The following ACAD9 variants were observed in gnomAD, a reference collection of about 807,000 sequenced individuals.
ACAD9 encodes the protein acyl-CoA dehydrogenase family member 9, also known as complex I assembly factor ACAD9, mitochondrial.
ACAD9 carries 53 observed loss-of-function variants against 70.2 expected under a neutral mutation model. The observed-to-expected ratio is 0.75, with a 90% CI of 0.61 to 0.95. The LOEUF is 0.95. Ranked by LOEUF, ACAD9 falls within the 40% of genes least tolerant of loss-of-function variation. The pLI, the probability that ACAD9 is intolerant of heterozygous loss-of-function variation, is 0.00. For missense variants in ACAD9, 777 were observed against 802.8 expected (o/e 0.97, Z 0.39); for synonymous variants, 313 against 312.1 (o/e 1.00, Z -0.03).
chr3:128,909,855 G>A (rs1936070510), intron 15 of ACAD9, 166 bp from the exon 16 acceptor site: 3 of 931,802 alleles, frequency 3.2e-6, no homozygotes, highest in Middle Eastern at 3.2e-4. Flanking sequence ...GAAAACAGAA[G>A]GTGGCTGGGA....
chr3:128,901,447 T>C, intron 8 of ACAD9, 98 bp downstream of exon 8: 1 of 1,333,828 alleles, frequency 7.5e-7, no homozygotes, highest in South Asian at 1.2e-5. Flanking sequence ...CAGAGTAGCC[T>C]GTGCATGGCA....
At chr3:128,880,976 A>G (rs1296960647) in intron 1 of ACAD9, among the ~76,000 whole-genome samples, 7 of 151,874 alleles carry the variant, frequency 4.6e-5, no homozygotes, top group African/African-American at 7.2e-5. Context: ...TATACTTGCT[A>G]TTTCGTCGAG....
At chr3:128,883,569 GCTGGT>G (rs1415166976) in intron 1 of ACAD9, among the ~76,000 whole-genome samples, 1 of 151,994 alleles carries the variant, frequency 6.6e-6, no homozygotes, top group African/African-American at 2.4e-5. Context: ...TGTTGGTCAG[GCTGGT>G]CTCAAACTCC....
At position 128,899,278 on chromosome 3, in the gene ACAD9, T is replaced by C. The variant is rs1935660610; in HGVS notation, c.634-9T>C. On this transcript the variant is annotated splice_polypyrimidine_tract_variant and intron_variant, in intron 6 of 17. Transcript: ENST00000308982. ...TGGTTTTCTCCAAAGTCCATCTTTCTGTCCTCAGGTCTGGATTACTAATGG... is the reference window on the plus strand; with the variant it reads ...TGGTTTTCTCCAAAGTCCATCTTTCCGTCCTCAGGTCTGGATTACTAATGG... The C allele has an allele frequency of 1.2e-6, 2 of 1,614,026 alleles. No homozygotes were observed. The highest frequency in any genetic ancestry group is 2.7e-5 in the African/African-American group (2 of 74,948).
chr3:128,899,442 A>G lies in ACAD9; in HGVS notation c.789A>G (p.Leu263=), dbSNP rs1211050541. 2 of 1,613,952 alleles carry G rather than the reference A, an allele frequency of 1.2e-6. No homozygotes were observed. The highest frequency in any genetic ancestry group is 1.7e-6 in the Non-Finnish European group (2 of 1,180,026). ...GVTNGKPEDK[L]GIRGSNTCEV... ...CTAATGGGAAACCCGAAGATAAATTAGGCATTCGGGGCTCCAACAGTAAGT... is the reference window on the plus strand; with the variant it reads ...CTAATGGGAAACCCGAAGATAAATTGGGCATTCGGGGCTCCAACAGTAAGT... Residue 263 remains leucine, a synonymous_variant, in exon 7 of 18, where the codon TTA becomes TTG. Coordinates refer to ENST00000308982, the MANE Select transcript of ACAD9 (RefSeq NM_014049.5).
chr3:128,909,876 C>T (rs1936072426), intron 15 of ACAD9, 145 bp from the exon 16 acceptor site: 1 of 1,199,376 alleles, frequency 8.3e-7, no homozygotes, highest in African/African-American at 1.5e-5. Flanking sequence ...GCCGTTCTCC[C>T]ACAACCTGAA....
chr3:128,895,706 T>C (rs989341482), intron 4 of ACAD9, among the ~76,000 whole-genome samples: 1 of 111,630 alleles, frequency 9.0e-6, no homozygotes, highest in Non-Finnish European at 1.7e-5. Flanking sequence ...GCCTTCGCCT[T>C]GGGCTGGAAG....
intron 4 of ACAD9, among the ~76,000 whole-genome samples, chr3:128,896,007 C>A (rs1402737673): frequency 6.6e-6 from 1 of 152,226 alleles, no homozygotes; most frequent in South Asian, 2.1e-4. Flanking sequence ...ACAGCCCTGA[C>A]ACTGAGCACC....
rs1935818119 is a variant in ACAD9, at chr3:128,904,054, T to A, written c.959-8T>A. 3 of 1,613,970 alleles carry A rather than the reference T, an allele frequency of 1.9e-6. No homozygotes were observed. In the African/African-American group the frequency reaches 4.0e-5, roughly 22 times the overall value. On this transcript the variant is annotated splice_polypyrimidine_tract_variant and splice_region_variant and intron_variant, in intron 9 of 17. Coordinates refer to ENST00000308982, the MANE Select transcript of ACAD9 (RefSeq NM_014049.5). ...CCAGTTCATTCTAATAACTCTGCTC[T>A]TCCTCAGAAATGACTGCTGAGTACG...
chr3:128,885,455 C>T lies in ACAD9; in HGVS notation c.244+709C>T, dbSNP rs1935217647. On this transcript the variant is annotated intron_variant, in intron 2 of 17. Coordinates refer to ENST00000308982, the MANE Select transcript of ACAD9 (RefSeq NM_014049.5). ...TGCTCAGACTGGAGTGTGGTGGTAC[C>T]ATCTCATCTCACCACCACCTCCATC... 2.0e-5 allele frequency among the ~76,000 whole-genome samples: 3 copies of T among 152,032 alleles called. No homozygotes were observed. In the East Asian group the frequency reaches 5.8e-4, roughly 29 times the overall value.
chr3:128,891,845 T>G (rs910273938), intron 2 of ACAD9, among the ~76,000 whole-genome samples: 1 of 152,256 alleles, frequency 6.6e-6, no homozygotes, highest in Non-Finnish European at 1.5e-5. Flanking sequence ...CATTTATTTA[T>G]GTAGTTTTTT....
chr3:128,887,904 C>G (rs773743879), intron 2 of ACAD9, among the ~76,000 whole-genome samples: 1 of 152,154 alleles, frequency 6.6e-6, no homozygotes, highest in Non-Finnish European at 1.5e-5. Context: ...GGAATGACAG[C>G]TGTAGGCAGC....
rs749996336 is a variant in ACAD9, at chr3:128,909,417, G to C, written c.1559G>C (p.Gly520Ala). The C allele has an allele frequency of 6.2e-7, 1 of 1,614,068 alleles. No individual in the cohort carries two copies. The highest frequency in any genetic ancestry group is 8.5e-7 in the Non-Finnish European group (1 of 1,180,048). The change falls in exon 15 of 18, where the codon GGC (glycine) becomes GCC (alanine). Residue 520 changes from glycine to alanine, a missense_variant. Gly to Ala is a moderately conservative substitution (Grantham distance 60, BLOSUM62 0). Transcript: ENST00000308982. ...RTVETLLLRFGKTIMEEQLVL... is the reference protein window; with the variant it reads ...RTVETLLLRFAKTIMEEQLVL... ...GTGGAGACACTGCTGCTCCGCTTTG[G>C]CAAGGTAACCAGGCCCTCCCAGGCC...
chr3:128,899,565 AG>A, intron 7 of ACAD9, 104 bp downstream of exon 7: 2 of 917,794 alleles, frequency 2.2e-6, no homozygotes, highest in Admixed American at 3.2e-5. Flanking sequence ...TGTGTGTGTA[AG>A]GGGGAGACTG....
rs1321491308 is a variant in ACAD9 at position 128,897,720 on chromosome 3, CT to C, written c.633+12del. On this transcript the variant is annotated intron_variant, in intron 6 of 17. Transcript: ENST00000308982. ...CCTCAATGGCTCCAAGGTAGGGTTC[CT>C]TCCCCATGGCCACATTAGGGTCTCA... The C allele has an allele frequency of 6.2e-6, 10 of 1,612,090 alleles. No homozygotes were observed. Among genetic ancestry groups the C allele is most frequent in the South Asian group, 1.1e-5 (1 of 90,644 alleles).
In ACAD9 at chr3:128,879,762, C is replaced by T. The variant is rs1346317324; in HGVS notation, c.71C>T (p.Thr24Ile). ...GCCTGCCGGGGTCTGGTGGTCTCTACCGCGAACCGGCGGCTACTGCGCACC... is the reference window on the plus strand; with the variant it reads ...GCCTGCCGGGGTCTGGTGGTCTCTATCGCGAACCGGCGGCTACTGCGCACC... ...ARACRGLVVS[T>I]ANRRLLRTSP... Residue 24 changes from threonine to isoleucine, a missense_variant, in exon 1 of 18, where the codon ACC becomes ATC. Thr to Ile is a moderately conservative substitution (Grantham distance 89, BLOSUM62 -1). Transcript: ENST00000308982. 1.9e-6 allele frequency: 3 copies of T among 1,613,466 alleles called. No individual in the cohort carries two copies. The highest frequency in any genetic ancestry group is 2.5e-6 in the Non-Finnish European group (3 of 1,180,014).
rs772732061 is a variant in ACAD9 at position 128,909,012 on chromosome 3, C to T, written c.1398C>T (p.Thr466=). The T allele has an allele frequency of 2.2e-5, 36 of 1,614,034 alleles. No homozygotes were observed. In the South Asian group the frequency reaches 2.3e-4, roughly 10 times the overall value. Residue 466 remains threonine (T), a synonymous_variant, in exon 14 of 18, where the codon ACC becomes ACT. Transcript: ENST00000308982. ...KQAKVSTVMD[T]VGRRLRDSLG... is the part of the protein sequence containing the mutation. ...CCAAAGTGAGCACAGTCATGGATAC[C>T]GTTGGCCGGAGGCTTCGGGACTCCC...
intron 7 of ACAD9, 122 bp from the exon 8 acceptor site, chr3:128,901,154 A>C: frequency 1.1e-6 from 1 of 912,296 alleles, no homozygotes; most frequent in South Asian, 1.5e-5. Flanking sequence ...TTGTCTTTCT[A>C]TACTGTCCTA....
At position 128,912,829 on chromosome 3, in the gene ACAD9, GGAGA is replaced by G. The variant is rs146518015; in HGVS notation, c.*229_*232del. Reference sequence around the variant, plus strand: ...ACCATCACAGCTTCTGAACTGAGCCGGAGAGAGAGAATGGAATTGCTGACCCCTG... The same window carrying G: ...ACCATCACAGCTTCTGAACTGAGCCGGAGAGAATGGAATTGCTGACCCCTG... On this transcript the variant is annotated 3_prime_UTR_variant, in exon 18 of 18. Transcript: ENST00000308982. 1.4e-6 allele frequency: 1 copy of G among 695,082 alleles called. No homozygotes were observed. The highest frequency in any genetic ancestry group is 1.4e-5 in the South Asian group (1 of 73,146). 43.1% of individuals were successfully genotyped at this position (695,082 alleles called of 1,614,324 possible). A position where few individuals can be genotyped will look rare whatever the true frequency, so the allele number is the denominator to read the frequency against.
Sources: allele counts gnomAD v4.1 joint callset (sites outside exome capture counted in the v4.1 genomes callset), GRCh38; gene constraint gnomAD v4.1.1; transcripts MANE v1.5; gene names NCBI Gene and HGNC (gene_info 2026-07-23, HGNC 2026-07-21).